The following FBXO15 variants were observed in gnomAD, a reference collection of about 807,000 sequenced individuals.
FBXO15 encodes the protein F-box only protein 15.
FBXO15 carries 30 observed loss-of-function variants against 49.5 expected under a neutral mutation model. The ratio of observed to expected loss-of-function variants is 0.61; its 90% CI spans 0.45 to 0.82. The LOEUF is 0.82. FBXO15 is among the 40% of genes least tolerant of loss of function. The pLI is 0.00. For synonymous variants in FBXO15, 250 were observed against 232.7 expected (o/e 1.07, Z -0.68); for missense variants, 591 against 631.5 (o/e 0.94, Z 0.69).
chr18:74,126,176 T>G, intron 5 of FBXO15, 75 bp from the exon 6 acceptor site: 1 of 1,574,308 alleles, frequency 6.4e-7, no homozygotes, highest in Non-Finnish European at 8.7e-7. Flanking sequence ...TTCTCTTTAG[T>G]GTATCACAAA....
At chr18:74,140,348 T>C (rs752154397) in intron 1 of FBXO15, 36 bp from the exon 2 acceptor site, 8 of 1,520,966 alleles carry the variant, frequency 5.3e-6, no homozygotes, top group African/African-American at 2.8e-5. Context: ...ATTATGTAAT[T>C]ACCAAATGAG....
chr18:74,093,443 C>T (rs1913144390), intron 8 of FBXO15, among the ~76,000 whole-genome samples: 4 of 152,278 alleles, frequency 2.6e-5, no homozygotes, highest in Admixed American at 2.0e-4. Flanking sequence ...CATATTTGGG[C>T]TTCCAAGGCA....
chr18:74,118,828 C>T (rs2145180507), intron 8 of FBXO15, among the ~76,000 whole-genome samples: 1 of 152,250 alleles, frequency 6.6e-6, no homozygotes, highest in Non-Finnish European at 1.5e-5. Context: ...ACCCTAGGTA[C>T]AAAAGTAGAA....
chr18:74,134,331 T>A (rs1359719677), intron 3 of FBXO15, among the ~76,000 whole-genome samples: 66 of 152,004 alleles, frequency 4.3e-4, no homozygotes, highest in Non-Finnish European at 4.4e-5. Context: ...ATTAGTTATT[T>A]CGGAACTTGA....
At chr18:74,121,422 A>G (rs1259526535) in intron 8 of FBXO15, among the ~76,000 whole-genome samples, 2 of 152,236 alleles carry the variant, frequency 1.3e-5, no homozygotes, top group African/African-American at 2.4e-5. Flanking sequence ...TAGCATGAAG[A>G]AAATTCTGAA....
rs1424423774 is a variant in FBXO15, at chr18:74,123,165, G to A, written c.1138+203C>T. On this transcript the variant is annotated intron_variant, in intron 8 of 9. Coordinates refer to ENST00000419743, the MANE Select transcript of FBXO15 (RefSeq NM_001142958.2). ...AGGTGGCATTGAGAGTGATGGTGGTGAAGGAGACAGAGCCAGTTCTGAAGA... is the reference window on the plus strand; with the variant it reads ...AGGTGGCATTGAGAGTGATGGTGGTAAAGGAGACAGAGCCAGTTCTGAAGA... 5 of 489,244 alleles carry A rather than the reference G, an allele frequency of 1.0e-5. No homozygotes were observed. The East Asian group carries it at 1.8e-4, about 17-fold the overall frequency. 30.3% of individuals were successfully genotyped at this position (489,244 alleles called of 1,614,324 possible).
At chr18:74,129,129 C>T (rs8096682) in intron 5 of FBXO15, among the ~76,000 whole-genome samples, 13,504 of 152,040 alleles carry the variant, frequency 0.089, 1,106 homozygotes, top group African/African-American at 0.22. Flanking sequence ...TGAAAAACCT[C>T]AAAGGTTAGC....
chr18:74,129,727 A>T (rs939651283), intron 4 of FBXO15, 113 bp from the exon 5 acceptor site: 43 of 826,342 alleles, frequency 5.2e-5, no homozygotes, highest in Middle Eastern at 3.6e-4. Flanking sequence ...GCCAAAGTCA[A>T]AATTCTCAGA....
intron 6 of FBXO15, 32 bp downstream of exon 6, chr18:74,125,943 T>C (rs754972172): frequency 6.2e-7 from 1 of 1,609,886 alleles, no homozygotes; most frequent in Non-Finnish European, 8.5e-7. Context: ...GATGGGGAAA[T>C]GACACAGTAC....
At chr18:74,144,092 G>A (rs1025381620) in intron 1 of FBXO15, among the ~76,000 whole-genome samples, 3 of 152,234 alleles carry the variant, frequency 2.0e-5, no homozygotes, top group Non-Finnish European at 4.4e-5. Context: ...GGTTATATCA[G>A]TATATACTAC....
chr18:74,092,616 C>A (rs1913090653), intron 8 of FBXO15, among the ~76,000 whole-genome samples: 2 of 152,098 alleles, frequency 1.3e-5, no homozygotes, highest in African/African-American at 4.8e-5. Context: ...TGAGTTGACT[C>A]GTTTCATTTC....
chr18:74,113,312 G>A (rs1050420539), intron 8 of FBXO15, among the ~76,000 whole-genome samples: 6 of 152,158 alleles, frequency 3.9e-5, no homozygotes, highest in African/African-American at 1.2e-4. Flanking sequence ...GGATGAATAG[G>A]TGAAGCTCAG....
intron 8 of FBXO15, among the ~76,000 whole-genome samples, chr18:74,115,515 C>A (rs1340523853): frequency 2.6e-5 from 4 of 152,154 alleles, no homozygotes; most frequent in Non-Finnish European, 5.9e-5. Context: ...TGGATGACAT[C>A]AAATTGCCAG....
intron 8 of FBXO15, among the ~76,000 whole-genome samples, chr18:74,095,143 T>G (rs1913220410): frequency 6.6e-6 from 1 of 152,258 alleles, no homozygotes; most frequent in Non-Finnish European, 1.5e-5. Context: ...GGGAATATTG[T>G]GGCCAGCTGG....
chr18:74,120,870 A>G (rs1233880228), intron 8 of FBXO15, among the ~76,000 whole-genome samples: 2 of 152,156 alleles, frequency 1.3e-5, no homozygotes. Context: ...AAAAGGCAAT[A>G]AAACCAAAAG....
intron 1 of FBXO15, among the ~76,000 whole-genome samples, chr18:74,142,696 C>A (rs1979160672): frequency 6.6e-6 from 1 of 152,098 alleles, no homozygotes; most frequent in African/African-American, 2.4e-5. Context: ...GCACTTAGGA[C>A]CCTCCCTCAT....
intron 1 of FBXO15, among the ~76,000 whole-genome samples, chr18:74,142,665 T>C (rs972553671): frequency 6.6e-6 from 1 of 152,158 alleles, no homozygotes; most frequent in Non-Finnish European, 1.5e-5. Flanking sequence ...TGCCTCTTCT[T>C]ATAAGGATAT....
intron 1 of FBXO15, among the ~76,000 whole-genome samples, chr18:74,144,079 G>A (rs1455854094): frequency 6.6e-6 from 1 of 152,228 alleles, no homozygotes; most frequent in African/African-American, 2.4e-5. Flanking sequence ...AACTGAGAAA[G>A]CAGGTTATAT....
chr18:74,112,205 CTAATTTCG>C (rs760354995), intron 8 of FBXO15, among the ~76,000 whole-genome samples: 55 of 152,234 alleles, frequency 3.6e-4, no homozygotes, highest in Non-Finnish European at 6.9e-4. Flanking sequence ...CAGCTTTGCT[CTAATTTCG>C]AAACCAAAAA....
Sources: allele counts gnomAD v4.1 joint callset (sites outside exome capture counted in the v4.1 genomes callset), GRCh38; gene constraint gnomAD v4.1.1; transcripts MANE v1.5; gene names NCBI Gene and HGNC (gene_info 2026-07-23, HGNC 2026-07-21).